Variants in TCF12 observed in about 807,000 individuals in gnomAD.
TCF12 encodes the protein DNA-binding protein HTF4.
In TCF12, 45 loss-of-function variants were observed where a neutral mutation model predicts 86.0. That is an observed-to-expected ratio of 0.52 (90% CI 0.41 to 0.67). The LOEUF (loss-of-function observed/expected upper bound fraction) is 0.67, where lower values mean the gene tolerates loss of function less well. Among genes scored for constraint, TCF12 ranks in the 30% least tolerant of loss-of-function variants. TCF12 has a pLI of 0.00. For synonymous variants in TCF12, 330 were observed against 299.6 expected, an observed-to-expected ratio of 1.10 and a Z score of -1.05; for missense variants, 881 against 859.9, an observed-to-expected ratio of 1.02 and a Z score of -0.31.
In TCF12 at chr15:57,215,278, A is replaced by G. The variant is rs1474878609; in HGVS notation, c.580-15874A>G. Among the ~76,000 whole-genome samples the G allele has an allele frequency of 4.6e-5, 7 of 152,298 alleles. No homozygotes were observed. The East Asian group carries it at 7.7e-4, about 17-fold the overall frequency. On this transcript the variant is annotated intron_variant, in intron 8 of 20. Coordinates refer to ENST00000333725, the MANE Select transcript of TCF12 (RefSeq NM_207037.2). The stretch of plus-strand genomic sequence containing the variant: ...GCATTCACTCACATGTCATCTCTTT[A>G]CAAGGTAGATGAGGAAGAAGAGGCA...
chr15:57,001,612 C>G (rs563768043), intron 3 of TCF12, among the ~76,000 whole-genome samples: 2 of 152,124 alleles, frequency 1.3e-5, no homozygotes, highest in Non-Finnish European at 2.9e-5. Flanking sequence ...AAGCAGAGCA[C>G]CTGTCTAGGG....
intron 5 of TCF12, among the ~76,000 whole-genome samples, chr15:57,137,384 A>T (rs973499131): frequency 2.0e-5 from 3 of 152,248 alleles, no homozygotes; most frequent in Non-Finnish European, 2.9e-5. Flanking sequence ...GTATTAATGA[A>T]TAATGAAATT....
chr15:57,272,300 G>A (rs2061180315), intron 18 of TCF12, among the ~76,000 whole-genome samples: 1 of 152,166 alleles, frequency 6.6e-6, no homozygotes. Flanking sequence ...TGGAATTGCT[G>A]ATCAAGAGGT....
intron 3 of TCF12, among the ~76,000 whole-genome samples, chr15:56,922,649 T>G (rs180709512): frequency 3.3e-5 from 5 of 152,052 alleles, no homozygotes; most frequent in African/African-American, 1.2e-4. Context: ...AAGTTAGATT[T>G]GTTATCCATT....
intron 3 of TCF12, among the ~76,000 whole-genome samples, chr15:56,968,206 C>G (rs2062099854): frequency 6.6e-6 from 1 of 152,156 alleles, no homozygotes; most frequent in Non-Finnish European, 1.5e-5. Flanking sequence ...ATCCACCTGC[C>G]TTGGCCTCCC....
intron 6 of TCF12, among the ~76,000 whole-genome samples, chr15:57,175,333 G>C (rs1189047727): frequency 6.6e-6 from 1 of 152,060 alleles, no homozygotes; most frequent in Non-Finnish European, 1.5e-5. Flanking sequence ...ACTCCAGCCT[G>C]GGTGACAGAG....
chr15:57,007,852 C>CCCTTCCTT (rs60825721), intron 3 of TCF12, among the ~76,000 whole-genome samples: 3,747 of 100,744 alleles, frequency 0.037, 92 homozygotes, highest in Middle Eastern at 0.057. Flanking sequence ...CTCTTTCCCT[C>CCCTTCCTT]CCTTCCTTCC....
chr15:57,157,647 C>G (rs2054206745), intron 5 of TCF12, among the ~76,000 whole-genome samples: 1 of 151,572 alleles, frequency 6.6e-6, no homozygotes, highest in South Asian at 2.1e-4. Context: ...ACTGCAACCT[C>G]CACCTTCTGG....
intron 5 of TCF12, among the ~76,000 whole-genome samples, chr15:57,135,355 G>C (rs1268441635): frequency 4.6e-5 from 7 of 152,166 alleles, no homozygotes; most frequent in Non-Finnish European, 1.0e-4. Context: ...CATGTATTCT[G>C]AGCAGTTTTT....
chr15:56,948,078 A>C (rs745628300), intron 3 of TCF12, among the ~76,000 whole-genome samples: 9 of 152,254 alleles, frequency 5.9e-5, no homozygotes, highest in Middle Eastern at 6.8e-3. Flanking sequence ...TTCATTTATA[A>C]GGATTTTGTG....
chr15:57,034,753 G>GT (rs2066402412), intron 3 of TCF12, among the ~76,000 whole-genome samples: 1 of 152,150 alleles, frequency 6.6e-6, no homozygotes, highest in South Asian at 2.1e-4. Context: ...AAACCGTATA[G>GT]TTAATAAGCA....
chr15:57,059,720 G>T (rs2068307973), intron 3 of TCF12, among the ~76,000 whole-genome samples: 2 of 146,974 alleles, frequency 1.4e-5, no homozygotes, highest in African/African-American at 2.5e-5. Context: ...TTGTTTACAG[G>T]GCTCATATGT....
At chr15:57,012,058 A>T (rs1278959405) in intron 3 of TCF12, among the ~76,000 whole-genome samples, 1 of 152,144 alleles carries the variant, frequency 6.6e-6, no homozygotes, top group Non-Finnish European at 1.5e-5. Context: ...ATTTCAGGAC[A>T]GCATTTTCTT....
chr15:57,222,753 C>A (rs1597415143), intron 8 of TCF12, among the ~76,000 whole-genome samples: 1 of 106,512 alleles, frequency 9.4e-6, no homozygotes, highest in South Asian at 3.1e-4. Context: ...AAAAAAAGGA[C>A]TGCCATTTTT....
At chr15:57,025,343 G>A (rs1342886769) in intron 3 of TCF12, among the ~76,000 whole-genome samples, 1 of 152,142 alleles carries the variant, frequency 6.6e-6, no homozygotes, top group African/African-American at 2.4e-5. Flanking sequence ...CCTTGCAAAA[G>A]TGCTGGGATT....
intron 8 of TCF12, among the ~76,000 whole-genome samples, chr15:57,225,234 T>TG: frequency 1.6e-5 from 2 of 126,444 alleles, no homozygotes; most frequent in African/African-American, 6.4e-5. Flanking sequence ...TTTTTTTTTT[T>TG]TTTTTTTTTT....
At chr15:57,030,154 T>A (rs1477996815) in intron 3 of TCF12, among the ~76,000 whole-genome samples, 3 of 152,202 alleles carry the variant, frequency 2.0e-5, no homozygotes, top group Non-Finnish European at 2.9e-5. Context: ...TATTGATTAA[T>A]TAATTGATTA....
At position 56,945,536 on chromosome 15, in the gene TCF12, CT is replaced by C. The variant is rs572593646; in HGVS notation, c.148+24447del. 2.7e-3 allele frequency among the ~76,000 whole-genome samples: 407 copies of C among 150,682 alleles called. 10 individuals are homozygous for C. The highest frequency in any genetic ancestry group is 0.023 in the Admixed American group (352 of 15,112). On this transcript the variant is annotated intron_variant, in intron 3 of 20. Coordinates refer to ENST00000333725, the MANE Select transcript of TCF12 (RefSeq NM_207037.2). ...GCTAGATATAGAATTCTAGATTGAC[CT>C]TTTTTTTTCCTTTTGATGATGAAAT...
intron 8 of TCF12, among the ~76,000 whole-genome samples, chr15:57,214,563 A>G (rs2058254724): frequency 6.6e-6 from 1 of 152,232 alleles, no homozygotes; most frequent in African/African-American, 2.4e-5. Flanking sequence ...AACTCAATTT[A>G]GACTTGAGAT....
Sources: allele counts gnomAD v4.1 joint callset (sites outside exome capture counted in the v4.1 genomes callset), GRCh38; gene constraint gnomAD v4.1.1; transcripts MANE v1.5; gene names NCBI Gene and HGNC (gene_info 2026-07-23, HGNC 2026-07-21).